L1CAM: variants seen among roughly 807,000 people sequenced by gnomAD.
The protein encoded by L1CAM is L1 cell adhesion molecule.
L1CAM carries 8 observed loss-of-function variants against 93.0 expected under a neutral mutation model. That is an observed-to-expected ratio of 0.09 (90% CI 0.05 to 0.16). The LOEUF is 0.16. Ranked by LOEUF, L1CAM falls within the 10% of genes least tolerant of loss-of-function variation. The pLI is 1.00. For synonymous variants in L1CAM, 453 were observed against 453.0 expected (o/e 1.00, Z 0.00); for missense variants, 777 against 1,073.4 (o/e 0.72, Z 3.86).
chrX:153,880,461 C>T (rs1018400091), intron 1 of L1CAM: 10 of 231,321 alleles, frequency 4.3e-5, no homozygotes, highest in Non-Finnish European at 8.3e-5. Context: ...TGCCTGGTGA[C>T]TCAGTGGGCC....
At chrX:153,876,863 G>T (rs1203576278) in intron 1 of L1CAM, among the ~76,000 whole-genome samples, 1 of 110,326 alleles carries the variant, frequency 9.1e-6, no homozygotes, top group Non-Finnish European at 1.9e-5. Flanking sequence ...ATTAGCCTTG[G>T]TGGTGGGCGC....
At chrX:153,883,446 G>A (rs1290953302) in intron 1 of L1CAM, among the ~76,000 whole-genome samples, 4 of 110,387 alleles carry the variant, frequency 3.6e-5, no homozygotes, top group Non-Finnish European at 7.6e-5. Context: ...GCAGGGGGGC[G>A]GGGGAAGCAG....
chrX:153,873,085 A>G (rs1342657996), intron 3 of L1CAM, 143 bp downstream of exon 3: 5 of 602,005 alleles, frequency 8.3e-6, no homozygotes, highest in Admixed American at 4.6e-5. Flanking sequence ...CCAGCCCCAC[A>G]CAGGTGAGAG....
chrX:153,863,222 C>A, intron 28 of L1CAM, 146 bp downstream of exon 28: 2 of 622,537 alleles, frequency 3.2e-6, no homozygotes, highest in Non-Finnish European at 5.2e-6. Flanking sequence ...GTTGGCCTCT[C>A]CCTGAAATGA....
rs147688847 is a variant in L1CAM at position 153,864,015 on chromosome X, G to A, written c.3325C>T (p.Arg1109Cys). ...AAGCCAGCAGGAGGGAGCCTCACGC[G>A]GCCTGAGGGTGAGACACCAGCCCCC... ...QMAVKTNGTGRVRLPPAGFAT... is the reference protein window; with the variant it reads ...QMAVKTNGTGCVRLPPAGFAT... Residue 1109 changes from arginine (R) to cysteine (C), a missense_variant and splice_region_variant, in exon 26 of 29, where the codon CGC (arginine) becomes TGC (cysteine). Transcript: ENST00000370060. 1 of 1,211,835 alleles carries A rather than the reference G, an allele frequency of 8.3e-7. No individual in the cohort carries two copies. The highest frequency in any genetic ancestry group is 1.1e-6 in the Non-Finnish European group (1 of 895,351).
chrX:153,864,386 G>A lies in L1CAM; in HGVS notation c.3258C>T (p.Tyr1086=), dbSNP rs367839516. ...TQWDLQPDTD[Y]EIHLFKERMF... The stretch of plus-strand genomic sequence containing the variant: ...TCCTCTCCTTAAACAAGTGGATCTC[G>A]TAGTCAGTGTCAGGCTGCAGGTCCC... The change falls in exon 25 of 29, where the codon TAC becomes TAT. Residue 1086 remains tyrosine, a synonymous_variant. Transcript: ENST00000370060. The A allele has an allele frequency of 4.1e-5, 49 of 1,209,672 alleles. No individual in the cohort carries two copies. The highest frequency in any genetic ancestry group is 7.0e-5 in the African/African-American group (4 of 57,270).
At position 153,867,859 on chromosome X, in the gene L1CAM, G is replaced by A. The variant is rs398123360; in HGVS notation, c.1880C>T (p.Thr627Met). 9.4e-5 allele frequency: 114 copies of A among 1,208,779 alleles called. No individual in the cohort carries two copies. Among genetic ancestry groups the A allele is most frequent in the Non-Finnish European group, 1.2e-4 (108 of 894,746 alleles). Residue 627 changes from threonine (T) to methionine (M), a missense_variant, in exon 16 of 29, where the codon ACG becomes ATG. By Grantham distance (81) the Thr-to-Met change is moderately conservative. Transcript: ENST00000370060. ...CCAGGACACGCGCACCTGGCTCTGC[G>A]TCAGCAGGTGCAGGTCGGACAGCAC... ...RLVLSDLHLLTQSQVRVSWSP... is the reference protein window; with the variant it reads ...RLVLSDLHLLMQSQVRVSWSP...
intron 3 of L1CAM, 98 bp downstream of exon 3, chrX:153,873,130 C>A: frequency 1.2e-6 from 1 of 856,162 alleles, no homozygotes; most frequent in Non-Finnish European, 1.8e-6. Flanking sequence ...CGAGCAGGGC[C>A]CCGGCACTCA....
intron 16 of L1CAM, 123 bp downstream of exon 16, chrX:153,867,677 G>T: frequency 1.1e-6 from 1 of 939,107 alleles, no homozygotes; most frequent in Non-Finnish European, 1.5e-6. Context: ...AGATTCCCAT[G>T]AGGAACCGTG....
chrX:153,869,498 GT>G, intron 11 of L1CAM, 21 bp downstream of exon 11: 4 of 1,209,755 alleles, frequency 3.3e-6, no homozygotes, highest in Non-Finnish European at 4.5e-6. Context: ...GAGTTAGGAG[GT>G]AAGGAAGGGA....
intron 9 of L1CAM, 21 bp from the exon 10 acceptor site, chrX:153,869,955 G>T (rs376327622): frequency 4.1e-6 from 5 of 1,208,959 alleles, no homozygotes; most frequent in Non-Finnish European, 5.6e-6. Flanking sequence ...GGGGAGAGCC[G>T]CCCTGAGCCC....
Position 153,875,793 on chromosome X carries a change from C to T in L1CAM, c.44G>A (p.Ser15Asn). Reference protein sequence around the residue: ...LRYVWPLLLCSPCLLIQIPEE... With the variant: ...LRYVWPLLLCNPCLLIQIPEE... ...GGGGATCTGGATAAGCAGGCAGGGG[C>T]TGCAGAGGAGGAGAGGCCACACGTA... is the stretch of plus-strand genomic sequence containing the variant. The change falls in exon 2 of 29, where the codon AGC (serine) becomes AAC (asparagine). Residue 15 changes from serine to asparagine, a missense_variant. Ser to Asn is a conservative substitution (Grantham distance 46). Coordinates refer to ENST00000370060, the MANE Select transcript of L1CAM (RefSeq NM_001278116.2). 1 of 1,210,958 alleles carries T rather than the reference C, an allele frequency of 8.3e-7. No homozygotes were observed. Among genetic ancestry groups the T allele is most frequent in the Middle Eastern group, 2.4e-4 (1 of 4,170 alleles).
At position 153,870,483 on chromosome X, in the gene L1CAM, G is replaced by C; in HGVS notation, c.711C>G (p.Asp237Glu). ...LRVKATNSMI[D>E]RKPRLLFPTN... ...TGGGGAAGAGCAGGCGCGGCTTCCT[G>C]TCAATCATGCTGTTGGCTGCCAGGA... is the stretch of plus-strand genomic sequence containing the variant. The change falls in exon 8 of 29, where the codon GAC becomes GAG. Residue 237 changes from aspartate (D) to glutamate (E), a missense_variant. Physicochemically the swap from Asp to Glu is conservative, Grantham distance 45. Around this residue, in one of 5 missense-constraint regions of L1CAM, gnomAD observed 574 missense variants for 781.0 expected, o/e 0.73. Coordinates refer to ENST00000370060, the MANE Select transcript of L1CAM (RefSeq NM_001278116.2). The C allele has an allele frequency of 5.0e-6, 6 of 1,210,649 alleles. No individual in the cohort carries two copies. Among genetic ancestry groups the C allele is most frequent in the Non-Finnish European group, 6.7e-6 (6 of 894,236 alleles).
chrX:153,871,221 A>G (rs1557093044), intron 5 of L1CAM, 42 bp from the exon 6 acceptor site: 1 of 734,746 alleles, frequency 1.4e-6, no homozygotes. Flanking sequence ...CCTGGTCCAG[A>G]TGGTGCTAGG....
chrX:153,873,831 C>T (rs1327412221), intron 2 of L1CAM, among the ~76,000 whole-genome samples: 4 of 112,876 alleles, frequency 3.5e-5, no homozygotes, highest in African/African-American at 9.6e-5. Flanking sequence ...TCTTCTCCCT[C>T]CTTCCTCCCA....
intron 1 of L1CAM, among the ~76,000 whole-genome samples, chrX:153,876,719 C>A (rs1389554713): frequency 1.8e-5 from 2 of 112,716 alleles, no homozygotes; most frequent in Non-Finnish European, 3.8e-5. Context: ...AAGGGCCAGG[C>A]GTGGTGGCTC....
chrX:153,876,316 G>T (rs2064813888), intron 1 of L1CAM: 1 of 251,018 alleles, frequency 4.0e-6, no homozygotes, highest in African/African-American at 2.8e-5. Context: ...GTGTGGTTGT[G>T]GATCTGCAAG....
intron 11 of L1CAM, 43 bp downstream of exon 11, chrX:153,869,477 G>C (rs1557092230): frequency 8.3e-7 from 1 of 1,201,589 alleles, no homozygotes. Context: ...TGGGCTGCAG[G>C]GACAGACTGG....
At chrX:153,885,045 G>T (rs782063757) in intron 1 of L1CAM, among the ~76,000 whole-genome samples, 1 of 112,097 alleles carries the variant, frequency 8.9e-6, no homozygotes, top group East Asian at 2.8e-4. Flanking sequence ...ACAGTGATAG[G>T]TGGGGGGTCC....
Sources: allele counts gnomAD v4.1 joint callset (sites outside exome capture counted in the v4.1 genomes callset), GRCh38; gene constraint gnomAD v4.1.1; regional missense constraint gnomAD v4.1.1; transcripts MANE v1.5; gene names NCBI Gene and HGNC (gene_info 2026-07-23, HGNC 2026-07-21).